Variants in TBC1D12 observed in about 807,000 individuals in gnomAD.
TBC1D12 encodes TBC1 domain family member 12.
TBC1D12 carries 56 observed loss-of-function variants against 86.7 expected under a neutral mutation model. That is an observed-to-expected ratio of 0.65 (90% confidence interval 0.52 to 0.81). The LOEUF is 0.81. Among genes scored for constraint, TBC1D12 ranks in the 30% least tolerant of loss-of-function variants. The pLI is 0.00. For synonymous variants in TBC1D12, 421 were observed against 411.7 expected (o/e 1.02, Z -0.27); for missense variants, 1,023 against 1,038.8 (o/e 0.98, Z 0.21).
intron 2 of TBC1D12, among the ~76,000 whole-genome samples, chr10:94,459,721 C>T (rs2055694622): frequency 6.6e-6 from 1 of 152,208 alleles, no homozygotes; most frequent in South Asian, 2.1e-4. Flanking sequence ...CCGGCACACC[C>T]TCTGCAGCTG....
intron 2 of TBC1D12, among the ~76,000 whole-genome samples, chr10:94,449,135 TCAGAAA>T (rs1282647625): frequency 3.9e-5 from 6 of 152,150 alleles, no homozygotes; most frequent in Non-Finnish European, 8.8e-5. Flanking sequence ...TTTCATTTTA[TCAGAAA>T]CAGAGACTTG....
chr10:94,477,537 T>C (rs1436644093), intron 3 of TBC1D12, among the ~76,000 whole-genome samples: 1 of 152,212 alleles, frequency 6.6e-6, no homozygotes, highest in African/African-American at 2.4e-5. Flanking sequence ...AGTGGAACTT[T>C]GTACTTTATC....
intron 6 of TBC1D12, among the ~76,000 whole-genome samples, chr10:94,505,877 G>A (rs1649534580): frequency 6.6e-6 from 1 of 152,102 alleles, no homozygotes; most frequent in Admixed American, 6.6e-5. Flanking sequence ...ACCAGTGCAT[G>A]AAACATGTTG....
intron 3 of TBC1D12, among the ~76,000 whole-genome samples, chr10:94,484,252 T>G (rs2056125306): frequency 6.7e-6 from 1 of 149,418 alleles, no homozygotes; most frequent in East Asian, 1.9e-4. Flanking sequence ...TCTTTTGTTT[T>G]TTTTTTTTTT....
intron 2 of TBC1D12, among the ~76,000 whole-genome samples, chr10:94,472,951 T>G (rs1487358946): frequency 1.3e-5 from 2 of 152,184 alleles, no homozygotes; most frequent in Non-Finnish European, 2.9e-5. Flanking sequence ...GAACTAAAGA[T>G]GAATATGAAA....
At position 94,403,342 on chromosome 10, in the gene TBC1D12, C is replaced by T. The variant is rs916224461; in HGVS notation, c.729C>T (p.Pro243=). 3 of 1,522,572 alleles carry T rather than the reference C, an allele frequency of 2.0e-6. No homozygotes were observed. Among genetic ancestry groups the T allele is most frequent in the Non-Finnish European group, 2.6e-6 (3 of 1,135,862 alleles). 94.3% of individuals were successfully genotyped at this position (1,522,572 alleles called of 1,614,324 possible). Residue 243 remains proline, a synonymous_variant, in exon 1 of 13, where the codon CCC becomes CCT. Coordinates refer to ENST00000225235, the MANE Select transcript of TBC1D12 (RefSeq NM_015188.2). ...SEQRGVGAGG[P]EEGAPPATSA... ...AGCGGGGAGTCGGCGCCGGGGGTCC[C>T]GAGGAGGGCGCGCCCCCTGCCACCT...
chr10:94,458,794 G>C (rs572499499), intron 2 of TBC1D12, among the ~76,000 whole-genome samples: 1 of 152,120 alleles, frequency 6.6e-6, no homozygotes, highest in Non-Finnish European at 1.5e-5. Context: ...GGAGTTGTTC[G>C]TACCTTCCAT....
intron 3 of TBC1D12, among the ~76,000 whole-genome samples, chr10:94,485,851 T>A (rs926048792): frequency 6.6e-6 from 1 of 152,106 alleles, no homozygotes; most frequent in Non-Finnish European, 1.5e-5. Flanking sequence ...GTAGGTTGTA[T>A]GTGTCTAGGA....
rs1842525313 is a variant in TBC1D12, at chr10:94,535,445, T to G, written c.*2349T>G. ...CTAACAAGCCTGCGATCCTTGTTAG[T>G]GTAGTGACTGCCTCTTTAGGAGTAT... On this transcript the variant is annotated 3_prime_UTR_variant, in exon 13 of 13. Transcript: ENST00000225235. 2 of 152,176 alleles carry G rather than the reference T, an allele frequency of 1.3e-5. No homozygotes were observed. Among genetic ancestry groups the G allele is most frequent in the South Asian group, 4.1e-4 (2 of 4,828 alleles). 9.4% of individuals were successfully genotyped at this position (152,176 alleles called of 1,614,324 possible). A position where few individuals can be genotyped will look rare whatever the true frequency, so the allele number is the denominator to read the frequency against.
chr10:94,498,785 T>C (rs960325809), intron 5 of TBC1D12, among the ~76,000 whole-genome samples: 2 of 151,832 alleles, frequency 1.3e-5, no homozygotes, highest in African/African-American at 4.8e-5. Flanking sequence ...TTTTTTTTTT[T>C]CAAGACGAGG....
intron 2 of TBC1D12, among the ~76,000 whole-genome samples, chr10:94,442,480 C>T (rs896464073): frequency 6.6e-6 from 1 of 152,100 alleles, no homozygotes; most frequent in Admixed American, 6.5e-5. Flanking sequence ...CCTCTCTAAA[C>T]CAAGGACTTT....
intron 3 of TBC1D12, among the ~76,000 whole-genome samples, chr10:94,478,832 A>G (rs1177882308): frequency 6.6e-6 from 1 of 151,958 alleles, no homozygotes; most frequent in African/African-American, 2.4e-5. Context: ...CTTTCTACCT[A>G]TGTCATAGCA....
intron 4 of TBC1D12, among the ~76,000 whole-genome samples, chr10:94,495,878 C>T (rs770243086): frequency 6.6e-6 from 1 of 152,110 alleles, no homozygotes; most frequent in Non-Finnish European, 1.5e-5. Flanking sequence ...CTAAGGCAGG[C>T]AGATCGTGAG....
chr10:94,530,279 C>T (rs146793826), intron 11 of TBC1D12, among the ~76,000 whole-genome samples: 3 of 152,196 alleles, frequency 2.0e-5, no homozygotes, highest in African/African-American at 7.2e-5. Flanking sequence ...TAAAGAATTA[C>T]GTGGTCAGAC....
At position 94,484,004 on chromosome 10, in the gene TBC1D12, C is replaced by T. The variant is rs928184517; in HGVS notation, c.1211+9221C>T. ...GTTTTATTCTTCTGCACATGATAAT[C>T]CAAATTTCCCAGTATCATTTATTGA... On this transcript the variant is annotated intron_variant, in intron 3 of 12. Transcript: ENST00000225235. Among the ~76,000 whole-genome samples the T allele has an allele frequency of 1.1e-4, 16 of 152,086 alleles. 1 individual carries two copies. Among genetic ancestry groups the T allele is most frequent in the African/African-American group, 3.9e-4 (16 of 41,416 alleles).
At chr10:94,427,007 T>A (rs2055155326) in intron 1 of TBC1D12, among the ~76,000 whole-genome samples, 1 of 152,182 alleles carries the variant, frequency 6.6e-6, no homozygotes, top group South Asian at 2.1e-4. Context: ...ATCACCCTAA[T>A]CAATTTTAGA....
rs151130299 is a variant in TBC1D12 at position 94,514,430 on chromosome 10, C to A, written c.1761+2776C>A. Among the ~76,000 whole-genome samples the A allele has an allele frequency of 3.4e-3, 524 of 152,244 alleles. 1 individual carries two copies. The highest frequency in any genetic ancestry group is 5.4e-3 in the Non-Finnish European group (365 of 68,012). ...ACTCTTTGATTATCGTCTTCCCCAC[C>A]CCCAAGCCTCTGGTAACCACTATTC... On this transcript the variant is annotated intron_variant, in intron 9 of 12. Transcript: ENST00000225235.
chr10:94,415,436 A>G (rs2054986056), intron 1 of TBC1D12, among the ~76,000 whole-genome samples: 1 of 152,192 alleles, frequency 6.6e-6, no homozygotes, highest in Non-Finnish European at 1.5e-5. Context: ...TTTTTGAGTT[A>G]AAGACTAATA....
chr10:94,517,265 C>A lies in TBC1D12; in HGVS notation c.1762-4690C>A, dbSNP rs1012990093. Among the ~76,000 whole-genome samples, 42 of 152,200 alleles carry A rather than the reference C, an allele frequency of 2.8e-4. 1 individual carries two copies. Among genetic ancestry groups the A allele is most frequent in the African/African-American group, 8.2e-4 (34 of 41,536 alleles). On this transcript the variant is annotated intron_variant, in intron 9 of 12. Coordinates refer to ENST00000225235, the MANE Select transcript of TBC1D12 (RefSeq NM_015188.2). The stretch of plus-strand genomic sequence containing the variant: ...TGGAGGCGCATGCCTGTAATCCCAG[C>A]TACTCAGGAGGCTGAGCCACGAGAA...
Sources: allele counts gnomAD v4.1 joint callset (sites outside exome capture counted in the v4.1 genomes callset), GRCh38; gene constraint gnomAD v4.1.1; transcripts MANE v1.5; gene names NCBI Gene and HGNC (gene_info 2026-07-23, HGNC 2026-07-21).